The following CHRM3 variants were observed in gnomAD, a reference collection of about 807,000 sequenced individuals.
CHRM3 encodes the protein cholinergic receptor muscarinic 3, also known as muscarinic acetylcholine receptor M3.
CHRM3 carries 11 observed loss-of-function variants against 41.8 expected under a neutral mutation model. The ratio of observed to expected loss-of-function variants is 0.26; its 90% CI spans 0.17 to 0.44. CHRM3 has a LOEUF of 0.44. CHRM3 is among the 20% of genes least tolerant of loss of function. CHRM3 has a pLI of 1.00. For missense variants in CHRM3, 571 were observed against 745.4 expected (o/e 0.77, Z 2.72); for synonymous variants, 297 against 301.4 (o/e 0.99, Z 0.15).
At position 239,511,220 on chromosome 1, in the gene CHRM3, A is replaced by G. The variant is rs538245529; in HGVS notation, c.-422+18413A>G. Among the ~76,000 whole-genome samples, 44 of 152,336 alleles carry G rather than the reference A, an allele frequency of 2.9e-4. No homozygotes were observed. In the South Asian group the frequency reaches 4.8e-3, roughly 16 times the overall value. On this transcript the variant is annotated intron_variant, in intron 2 of 6. Coordinates refer to ENST00000676153, the MANE Select transcript of CHRM3 (RefSeq NM_001375978.1). Reference sequence around the variant, plus strand: ...ATTAACAACTGTGAAGACCAGCTAGAGCCATGGAAATTACTTTCTAATACT... The same window carrying G: ...ATTAACAACTGTGAAGACCAGCTAGGGCCATGGAAATTACTTTCTAATACT...
At chr1:239,802,543 G>T (rs1670301628) in intron 5 of CHRM3, among the ~76,000 whole-genome samples, 1 of 152,186 alleles carries the variant, frequency 6.6e-6, no homozygotes, top group Non-Finnish European at 1.5e-5. Context: ...GGGAGGAAAA[G>T]AAGCAGGGGG....
In CHRM3 at chr1:239,561,454, T is replaced by G. The variant is rs554505018; in HGVS notation, c.-313+15705T>G. On this transcript the variant is annotated intron_variant, in intron 3 of 6. Transcript: ENST00000676153. ...GCTATTTTCTCAGATTATGGTTGCC[T>G]CCTGTTTTTTATTCAAGATTCACTG... Among the ~76,000 whole-genome samples, 6 of 152,222 alleles carry G rather than the reference T, an allele frequency of 3.9e-5. No homozygotes were observed. In the South Asian group the frequency reaches 1.2e-3, roughly 32 times the overall value.
chr1:239,623,498 A>T (rs145887530), intron 3 of CHRM3, among the ~76,000 whole-genome samples: 8,135 of 126,684 alleles, frequency 0.064, 310 homozygotes, highest in African/African-American at 0.083. Context: ...TTTTTTTTTA[A>T]TTTTTTTTTT....
chr1:239,621,808 G>T (rs1668390104), intron 3 of CHRM3, among the ~76,000 whole-genome samples: 2 of 152,276 alleles, frequency 1.3e-5, no homozygotes, highest in Admixed American at 1.3e-4. Context: ...GAAGCAGCAA[G>T]TGCAGATCAT....
At chr1:239,432,674 G>A (rs72754671) in intron 1 of CHRM3, among the ~76,000 whole-genome samples, 314 of 152,264 alleles carry the variant, frequency 2.1e-3, no homozygotes, top group Non-Finnish European at 3.6e-3. Flanking sequence ...ATAAAGGAAC[G>A]TATGAAAATC....
chr1:239,884,665 C>T (rs184219620), intron 6 of CHRM3, among the ~76,000 whole-genome samples: 217 of 152,234 alleles, frequency 1.4e-3, no homozygotes, highest in Middle Eastern at 6.8e-3. Flanking sequence ...AAAAATGGCT[C>T]GCCACAGACA....
intron 1 of CHRM3, among the ~76,000 whole-genome samples, chr1:239,477,830 C>T (rs2147980826): frequency 6.6e-6 from 1 of 152,282 alleles, no homozygotes; most frequent in Admixed American, 6.5e-5. Flanking sequence ...AGCAGGAGAG[C>T]TGAGTACAAC....
rs182680917 is a variant in CHRM3, at chr1:239,504,551, A to G, written c.-422+11744A>G. Among the ~76,000 whole-genome samples the G allele has an allele frequency of 1.2e-3, 176 of 152,302 alleles. 5 individuals are homozygous for G. In the East Asian group the frequency reaches 0.024, roughly 21 times the overall value. ...AGTAGAACTCTCATTTGATCCAGCA[A>G]TCCCACTAGTGGGTAACTATCCAGA... On this transcript the variant is annotated intron_variant, in intron 2 of 6. Transcript: ENST00000676153.
At chr1:239,477,511 G>A (rs1459481942) in intron 1 of CHRM3, among the ~76,000 whole-genome samples, 1 of 152,204 alleles carries the variant, frequency 6.6e-6, no homozygotes, top group African/African-American at 2.4e-5. Flanking sequence ...CAGAGAAGCA[G>A]CAAGAGAAAT....
At chr1:239,894,204 AG>A (rs1182294673) in intron 6 of CHRM3, among the ~76,000 whole-genome samples, 6 of 152,254 alleles carry the variant, frequency 3.9e-5, no homozygotes, top group South Asian at 2.1e-4. Flanking sequence ...CAATAAAGGA[AG>A]GAAAAGGAAA....
chr1:239,901,610 G>A (rs190520759), intron 6 of CHRM3, among the ~76,000 whole-genome samples: 1 of 152,056 alleles, frequency 6.6e-6, no homozygotes, highest in East Asian at 1.9e-4. Flanking sequence ...TTATCGTGTT[G>A]TATTTGTCAT....
intron 6 of CHRM3, among the ~76,000 whole-genome samples, chr1:239,897,224 C>T (rs1679085758): frequency 6.6e-6 from 1 of 151,902 alleles, no homozygotes; most frequent in Non-Finnish European, 1.5e-5. Flanking sequence ...TGAGTTGGGG[C>T]GTGCAAATAG....
At chr1:239,546,590 A>C (rs1242158921) in intron 3 of CHRM3, 2 of 152,134 alleles carry the variant, frequency 1.3e-5, no homozygotes, top group African/African-American at 4.8e-5. Context: ...TTATGACCCA[A>C]ATTAATTTTT....
At position 239,611,416 on chromosome 1, in the gene CHRM3, C is replaced by CTTTT. The variant is rs75352638; in HGVS notation, c.-312-20788_-312-20785dup. 6.2e-3 allele frequency among the ~76,000 whole-genome samples: 599 copies of CTTTT among 96,240 alleles called. 4 individuals carry two copies. The highest frequency in any genetic ancestry group is 0.019 in the East Asian group (52 of 2,732). 63.1% of individuals were successfully genotyped at this position (96,240 alleles called of 152,430 possible). On this transcript the variant is annotated intron_variant, in intron 3 of 6. Transcript: ENST00000676153. ...GACCAAATCCAAGGTTTGCAAGTGACTTTTTTTTTTTTTTTTTTTTTTTGA... is the reference window on the plus strand; with the variant it reads ...GACCAAATCCAAGGTTTGCAAGTGACTTTTTTTTTTTTTTTTTTTTTTTTTTTGA...
intron 6 of CHRM3, among the ~76,000 whole-genome samples, chr1:239,856,932 G>A (rs1296389293): frequency 6.6e-6 from 1 of 152,156 alleles, no homozygotes; most frequent in Non-Finnish European, 1.5e-5. Context: ...AAAATTGTAA[G>A]CAAGCCCTCA....
intron 6 of CHRM3, among the ~76,000 whole-genome samples, chr1:239,902,320 T>C (rs60035761): frequency 6.6e-6 from 1 of 152,288 alleles, no homozygotes; most frequent in African/African-American, 2.4e-5. Flanking sequence ...TCTAGTTTTA[T>C]AGATGAAGAA....
intron 5 of CHRM3, among the ~76,000 whole-genome samples, chr1:239,771,553 A>C (rs1667674697): frequency 1.3e-5 from 2 of 152,214 alleles, no homozygotes; most frequent in South Asian, 4.1e-4. Context: ...TAACTGTGTG[A>C]CCTAAGTGGA....
intron 4 of CHRM3, among the ~76,000 whole-genome samples, chr1:239,667,633 C>T (rs1673944924): frequency 6.6e-6 from 1 of 152,182 alleles, no homozygotes; most frequent in African/African-American, 2.4e-5. Flanking sequence ...AGAGAAGCAC[C>T]TCTTCATCCT....
chr1:239,907,240 A>G lies in CHRM3; in HGVS notation c.-19-193A>G, dbSNP rs577539295. ...TGCATGCCACCAATTATATAATACT[A>G]TCTCAAACAAATCGATGTCTGTCTG... On this transcript the variant is annotated intron_variant, in intron 6 of 6. Transcript: ENST00000676153. The surrounding 1 kb of genome is among the most constrained non-coding windows in gnomAD (Gnocchi z 5.4). 3.9e-5 allele frequency among the ~76,000 whole-genome samples: 6 copies of G among 152,334 alleles called. No homozygotes were observed. The highest frequency in any genetic ancestry group is 1.4e-4 in the African/African-American group (6 of 41,574).
Sources: allele counts gnomAD v4.1 joint callset (sites outside exome capture counted in the v4.1 genomes callset), GRCh38; gene constraint gnomAD v4.1.1; non-coding constraint Gnocchi (gnomAD v3.1); transcripts MANE v1.5; gene names NCBI Gene and HGNC (gene_info 2026-07-23, HGNC 2026-07-21).